The following FBXO31 variants were observed in gnomAD, a reference collection of about 807,000 sequenced individuals.
FBXO31 encodes the protein F-box only protein 31.
A neutral mutation model predicts 54.4 loss-of-function variants in FBXO31; 24 were observed. That is an observed-to-expected ratio of 0.44 (90% CI 0.32 to 0.62). The LOEUF (loss-of-function observed/expected upper bound fraction) is 0.62, where lower values mean the gene tolerates loss of function less well. FBXO31 is among the 20% of genes least tolerant of loss of function. The probability of loss-of-function intolerance (pLI) is 0.05; values close to 1 mark genes in which losing one functional copy is unlikely to be tolerated. For missense variants in FBXO31, 665 were observed against 787.1 expected (o/e 0.84, Z 1.86); for synonymous variants, 388 against 335.6 (o/e 1.16, Z -1.71).
intron 1 of FBXO31, chr16:87,367,675 A>G (rs1906426592): frequency 6.6e-6 from 1 of 152,218 alleles, no homozygotes. Flanking sequence ...CTGACAAAGG[A>G]GTCTGGACTG....
At chr16:87,349,864 G>C (rs572476485) in intron 2 of FBXO31, among the ~76,000 whole-genome samples, 2 of 150,208 alleles carry the variant, frequency 1.3e-5, no homozygotes, top group Admixed American at 6.6e-5. Flanking sequence ...AGCTATGATC[G>C]TGCCACTGCA....
At chr16:87,360,919 C>T (rs868463337) in intron 1 of FBXO31, among the ~76,000 whole-genome samples, 3 of 152,248 alleles carry the variant, frequency 2.0e-5, no homozygotes, top group Middle Eastern at 3.4e-3. Context: ...GCCCTGGACA[C>T]CTCCCGCAAC....
intron 1 of FBXO31, among the ~76,000 whole-genome samples, chr16:87,360,833 A>G (rs753463968): frequency 5.7e-4 from 87 of 152,114 alleles, no homozygotes; most frequent in Non-Finnish European, 1.0e-3. Flanking sequence ...CCAAGAGGGG[A>G]CCGTGCAAGA....
chr16:87,355,339 G>A (rs759225472), intron 2 of FBXO31, among the ~76,000 whole-genome samples: 4 of 152,212 alleles, frequency 2.6e-5, no homozygotes, highest in Non-Finnish European at 4.4e-5. Context: ...AGACTTTTCC[G>A]AAAGGTTTGG....
intron 1 of FBXO31, chr16:87,367,583 G>C (rs1218202328): frequency 6.6e-6 from 1 of 152,246 alleles, no homozygotes; most frequent in Non-Finnish European, 1.5e-5. Flanking sequence ...TGCATAATGA[G>C]ACTGGAGCTT....
At chr16:87,347,330 A>G (rs1905434754) in intron 2 of FBXO31, 80 bp from the exon 3 acceptor site, 1 of 1,150,316 alleles carries the variant, frequency 8.7e-7, no homozygotes, top group African/African-American at 1.5e-5. Flanking sequence ...AGAGGGAGGA[A>G]GGAACCATGA....
rs1905088870 is a variant in FBXO31, at chr16:87,338,222, C to T, written c.733-1958G>A. On this transcript the variant is annotated intron_variant, in intron 5 of 8. Coordinates refer to ENST00000311635, the MANE Select transcript of FBXO31 (RefSeq NM_024735.5). This position sits in a 1 kb window ranked among gnomAD's most constrained non-coding sequence, Gnocchi z 4.3. ...TATGAAATTACTCATCAGAGCAACA[C>T]ATACAAGCCACAAGAAAAAAAAAAA... is the stretch of plus-strand genomic sequence containing the variant. Among the ~76,000 whole-genome samples the T allele has an allele frequency of 6.7e-6, 1 of 150,326 alleles. No individual in the cohort carries two copies. Among genetic ancestry groups the T allele is most frequent in the Non-Finnish European group, 1.5e-5 (1 of 67,770 alleles).
In FBXO31 at chr16:87,345,221, T is replaced by A. The variant is rs1171339130; in HGVS notation, c.490-1456A>T. On this transcript the variant is annotated intron_variant, in intron 3 of 8. Transcript: ENST00000311635. The surrounding 1 kb of genome is among the most constrained non-coding windows in gnomAD (Gnocchi z 4.9). ...CGGATTTTCAACACAGCAAGAACGA[T>A]GGCAACAGTGACACCTCAGGGGCCA... Among the ~76,000 whole-genome samples the A allele has an allele frequency of 6.6e-6, 1 of 152,084 alleles. No individual in the cohort carries two copies. Among genetic ancestry groups the A allele is most frequent in the South Asian group, 2.1e-4 (1 of 4,814 alleles).
chr16:87,383,848 C>A (rs1907212902), upstream of FBXO31: 1 of 844,658 alleles, frequency 1.2e-6, no homozygotes. The surrounding 1 kb of genome is among the most constrained non-coding windows in gnomAD (Gnocchi z 4.9). Context: ...GCCACGCCCC[C>A]TGGAGAGCCT....
chr16:87,381,867 T>A (rs1319615869), intron 1 of FBXO31, among the ~76,000 whole-genome samples: 1 of 151,810 alleles, frequency 6.6e-6, no homozygotes, highest in East Asian at 1.9e-4. Context: ...CTACTAAAAA[T>A]ACAAAAATTA....
At chr16:87,352,340 T>C (rs1490860950) in intron 2 of FBXO31, among the ~76,000 whole-genome samples, 2 of 152,162 alleles carry the variant, frequency 1.3e-5, no homozygotes, top group Non-Finnish European at 2.9e-5. Flanking sequence ...GATGAGAATG[T>C]GAATAAGGAC....
In FBXO31 at chr16:87,383,328, C is replaced by T; in HGVS notation, c.340+77G>A. The T allele has an allele frequency of 7.6e-7, 1 of 1,311,732 alleles. No homozygotes were observed. Among genetic ancestry groups the T allele is most frequent in the Non-Finnish European group, 1.0e-6 (1 of 988,434 alleles). 81.3% of individuals were successfully genotyped at this position (1,311,732 alleles called of 1,614,324 possible). ...GGCCCCCGGCCGGGGCCACCGCCCC[C>T]GCCACTCCCAGCTCCGAGGCCTCCA... On this transcript the variant is annotated intron_variant, in intron 1 of 8. Coordinates refer to ENST00000311635, the MANE Select transcript of FBXO31 (RefSeq NM_024735.5). The surrounding 1 kb of genome is among the most constrained non-coding windows in gnomAD (Gnocchi z 4.9).
At chr16:87,364,057 C>T (rs1188751107) in intron 1 of FBXO31, among the ~76,000 whole-genome samples, 1 of 152,196 alleles carries the variant, frequency 6.6e-6, no homozygotes, top group East Asian at 1.9e-4. Flanking sequence ...GGCTGGCAGC[C>T]GCCCCACCTC....
upstream of FBXO31, among the ~76,000 whole-genome samples, chr16:87,390,417 T>C (rs979407688): frequency 3.9e-5 from 6 of 152,140 alleles, no homozygotes; most frequent in African/African-American, 1.4e-4. Context: ...CCCAACTGTA[T>C]AAAAGCACTT....
At chr16:87,365,010 A>AATAGATATATATATATATATATATATAT (rs1906294219) in intron 1 of FBXO31, among the ~76,000 whole-genome samples, 1 of 47,684 alleles carries the variant, frequency 2.1e-5, no homozygotes, top group Admixed American at 2.7e-4. Flanking sequence ...CCGTCTCTTA[A>AATAGATATATATATATATATATATATAT]ATATATATAT....
chr16:87,383,233 G>A lies in FBXO31; in HGVS notation c.340+172C>T, dbSNP rs1039209943. On this transcript the variant is annotated intron_variant, in intron 1 of 8. Transcript: ENST00000311635. The surrounding 1 kb of genome is among the most constrained non-coding windows in gnomAD (Gnocchi z 4.9). ...CAAATACCTCCCTGGCCCCCTCAACGTGGTGTCACCGCGGCCGCTCCCCAC... is the reference window on the plus strand; with the variant it reads ...CAAATACCTCCCTGGCCCCCTCAACATGGTGTCACCGCGGCCGCTCCCCAC... Among the ~76,000 whole-genome samples the A allele has an allele frequency of 6.6e-6, 1 of 151,202 alleles. No individual in the cohort carries two copies. The highest frequency in any genetic ancestry group is 2.4e-5 in the African/African-American group (1 of 41,038).
At chr16:87,384,982 C>T (rs1366886733), upstream of FBXO31, among the ~76,000 whole-genome samples, 1 of 151,196 alleles carries the variant, frequency 6.6e-6, no homozygotes, top group East Asian at 2.0e-4. Context: ...TGAGACCCGC[C>T]TGACCAACAT....
At chr16:87,361,695 A>T (rs925570683) in intron 1 of FBXO31, among the ~76,000 whole-genome samples, 8 of 152,168 alleles carry the variant, frequency 5.3e-5, no homozygotes, top group African/African-American at 1.4e-4. Flanking sequence ...CCTTCTTTTC[A>T]ATAGCATGGA....
Position 87,335,202 on chromosome 16 carries a change from C to A in FBXO31, c.996+102G>T. On this transcript the variant is annotated intron_variant, in intron 7 of 8. Transcript: ENST00000311635. The surrounding 1 kb of genome is among the most constrained non-coding windows in gnomAD (Gnocchi z 5.7). ...GCAGGTGCAAGCCCACTCTGAGGAG[C>A]AAGGGTGCCGGGGATCAGTGTCTGC... The A allele has an allele frequency of 6.5e-7, 1 of 1,539,158 alleles. No homozygotes were observed.
Sources: gnomAD v4.1 joint callset for allele counts (sites outside exome capture counted in the v4.1 genomes callset) on GRCh38, gnomAD v4.1.1 for gene constraint, Gnocchi (gnomAD v3.1) non-coding constraint, MANE v1.5 for transcripts, NCBI Gene and HGNC (gene_info 2026-07-23, HGNC 2026-07-21) for gene names.